Variants in EPHB1 observed in about 807,000 individuals in gnomAD.
EPHB1 encodes the protein EPH receptor B1.
In EPHB1, 30 loss-of-function variants were observed where a neutral mutation model predicts 94.4. That is an observed-to-expected ratio of 0.32 (90% confidence interval 0.24 to 0.43). The LOEUF is 0.43. Among genes scored for constraint, EPHB1 ranks in the 20% least tolerant of loss-of-function variants. The pLI, the probability that EPHB1 is intolerant of heterozygous loss-of-function variation, is 1.00. For missense variants in EPHB1, 1,055 were observed against 1,308.3 expected (o/e 0.81, Z 2.99); for synonymous variants, 522 against 489.1 (o/e 1.07, Z -0.89).
intron 1 of EPHB1, among the ~76,000 whole-genome samples, chr3:134,920,427 A>C (rs2038660656): frequency 1.3e-5 from 2 of 152,190 alleles, no homozygotes; most frequent in African/African-American, 4.8e-5. Flanking sequence ...GCTGTGGAGA[A>C]TAACACAGGG....
At chr3:135,161,867 C>T in intron 6 of EPHB1, 151 bp from the exon 7 acceptor site, 1 of 773,738 alleles carries the variant, frequency 1.3e-6, no homozygotes, top group Non-Finnish European at 1.9e-6. Context: ...ACTTCTTGTC[C>T]CCATCCAGAG....
At chr3:134,831,637 G>A (rs970502394) in intron 1 of EPHB1, among the ~76,000 whole-genome samples, 4 of 152,118 alleles carry the variant, frequency 2.6e-5, no homozygotes, top group Admixed American at 2.0e-4. Context: ...GCTGACTCTC[G>A]ATCCCTTCAC....
chr3:135,084,049 A>G (rs1482232410), intron 3 of EPHB1, among the ~76,000 whole-genome samples: 1 of 152,202 alleles, frequency 6.6e-6, no homozygotes, highest in Non-Finnish European at 1.5e-5. Flanking sequence ...TGCCTTTTCA[A>G]GAATAGATTT....
chr3:135,067,071 A>G (rs1490505234), intron 3 of EPHB1, among the ~76,000 whole-genome samples: 5 of 152,170 alleles, frequency 3.3e-5, no homozygotes, highest in Admixed American at 3.3e-4. Context: ...CGTGGATACC[A>G]GCACCTGTTC....
chr3:134,966,166 G>A (rs1933737002), intron 3 of EPHB1, among the ~76,000 whole-genome samples: 1 of 152,142 alleles, frequency 6.6e-6, no homozygotes, highest in Non-Finnish European at 1.5e-5. Context: ...CTCTGTCTTT[G>A]AATGAGAATA....
Position 134,838,844 on chromosome 3 carries a change from T to C in EPHB1, c.58+43155T>C, listed in dbSNP as rs116047658. The stretch of plus-strand genomic sequence containing the variant: ...AAGAAAAGTAAATAAAGAGACTGCT[T>C]TCCAGAATGCAACTTTGGAGCTAGA... On this transcript the variant is annotated intron_variant, in intron 1 of 15. Transcript: ENST00000398015. 6.0e-3 allele frequency among the ~76,000 whole-genome samples: 916 copies of C among 152,298 alleles called. 10 individuals are homozygous for C. Among genetic ancestry groups the C allele is most frequent in the South Asian group, 0.032 (156 of 4,820 alleles).
At chr3:134,957,526 A>C (rs549603285) in intron 3 of EPHB1, among the ~76,000 whole-genome samples, 3 of 152,224 alleles carry the variant, frequency 2.0e-5, no homozygotes, top group Non-Finnish European at 2.9e-5. Context: ...CCTTGAATAA[A>C]GACTGGAGGC....
At chr3:135,228,721 C>T (rs1279277753) in intron 12 of EPHB1, among the ~76,000 whole-genome samples, 1 of 151,880 alleles carries the variant, frequency 6.6e-6, no homozygotes, top group Non-Finnish European at 1.5e-5. Context: ...CACTGAGAGT[C>T]GGGCAGTCTG....
chr3:135,174,448 A>T (rs983537256), intron 9 of EPHB1, among the ~76,000 whole-genome samples: 1 of 152,148 alleles, frequency 6.6e-6, no homozygotes, highest in African/African-American at 2.4e-5. Context: ...TGTTTTCAGG[A>T]TTCTGACCCT....
intron 3 of EPHB1, among the ~76,000 whole-genome samples, chr3:135,031,094 C>G (rs896309838): frequency 2.6e-4 from 39 of 152,138 alleles, no homozygotes; most frequent in Non-Finnish European, 7.3e-5. Context: ...GTGCACGGTG[C>G]GCGCACCCAC....
At chr3:134,915,953 C>G (rs961039633) in intron 1 of EPHB1, among the ~76,000 whole-genome samples, 3 of 152,174 alleles carry the variant, frequency 2.0e-5, no homozygotes, top group African/African-American at 7.2e-5. Context: ...CTTTTATTCT[C>G]TTATCTGGCC....
chr3:134,985,727 A>G (rs1220813201), intron 3 of EPHB1, among the ~76,000 whole-genome samples: 1 of 152,120 alleles, frequency 6.6e-6, no homozygotes, highest in African/African-American at 2.4e-5. Context: ...CTCACTAAAT[A>G]TTAGCTACTC....
intron 3 of EPHB1, among the ~76,000 whole-genome samples, chr3:134,958,435 TGTGTG>T (rs1933369847): frequency 6.6e-6 from 1 of 151,484 alleles, no homozygotes; most frequent in African/African-American, 2.4e-5. Flanking sequence ...TGTGTGTGTG[TGTGTG>T]TGTGTGTGTG....
In EPHB1 at chr3:134,860,811, A is replaced by AT. The variant is rs2037241276; in HGVS notation, c.59-65005_59-65004insT. The stretch of plus-strand genomic sequence containing the variant: ...CTGGCCAGGTGACAAAAAAAAAAAA[A>AT]AAAAAAAGATTTCTTGACGCTGTCC... On this transcript the variant is annotated intron_variant, in intron 1 of 15. Coordinates refer to ENST00000398015, the MANE Select transcript of EPHB1 (RefSeq NM_004441.5). Among the ~76,000 whole-genome samples, 6 of 151,824 alleles carry AT rather than the reference A, an allele frequency of 4.0e-5. No individual in the cohort carries two copies. In the South Asian group the frequency reaches 1.3e-3, roughly 32 times the overall value.
chr3:135,049,738 T>C (rs921618784), intron 3 of EPHB1, among the ~76,000 whole-genome samples: 4 of 152,250 alleles, frequency 2.6e-5, no homozygotes, highest in Non-Finnish European at 4.4e-5. Flanking sequence ...TACCTCTTTA[T>C]AATATGTGAT....
At chr3:134,964,073 C>G (rs1324904372) in intron 3 of EPHB1, among the ~76,000 whole-genome samples, 2 of 152,218 alleles carry the variant, frequency 1.3e-5, no homozygotes, top group Admixed American at 6.5e-5. Context: ...CCTACTTGCT[C>G]TGTGCCATCT....
chr3:135,123,368 G>A (rs1323820730), intron 4 of EPHB1, among the ~76,000 whole-genome samples: 1 of 152,140 alleles, frequency 6.6e-6, no homozygotes, highest in East Asian at 1.9e-4. Flanking sequence ...TTTCCATGTT[G>A]ACCTCCACTG....
chr3:135,119,454 CTT>C (rs11363986), intron 4 of EPHB1, among the ~76,000 whole-genome samples: 1 of 151,572 alleles, frequency 6.6e-6, no homozygotes, highest in Non-Finnish European at 1.5e-5. Flanking sequence ...CTTTTTCTTT[CTT>C]TTTTTTGTTT....
At chr3:134,925,221 G>C (rs916905532) in intron 1 of EPHB1, among the ~76,000 whole-genome samples, 1 of 152,168 alleles carries the variant, frequency 6.6e-6, no homozygotes, top group African/African-American at 2.4e-5. Context: ...ATGTGTGTTT[G>C]TGTTCTATGT....
Sources: gnomAD v4.1 joint callset for allele counts (sites outside exome capture counted in the v4.1 genomes callset) on GRCh38, gnomAD v4.1.1 for gene constraint, MANE v1.5 for transcripts, NCBI Gene and HGNC (gene_info 2026-07-23, HGNC 2026-07-21) for gene names.